ASIC2: variants seen among roughly 807,000 people sequenced by gnomAD.
ASIC2 encodes the protein acid sensing ion channel subunit 2, also known as acid-sensing ion channel 2.
In ASIC2, 25 loss-of-function variants were observed where a neutral mutation model predicts 57.3. The ratio of observed to expected loss-of-function variants is 0.44; its 90% confidence interval spans 0.32 to 0.61. The LOEUF is 0.61. Among genes scored for constraint, ASIC2 ranks in the 20% least tolerant of loss-of-function variants. The pLI, the probability that ASIC2 is intolerant of heterozygous loss-of-function variation, is 0.06. For missense variants in ASIC2, 641 were observed against 738.1 expected (o/e 0.87, Z 1.52); for synonymous variants, 319 against 307.5 (o/e 1.04, Z -0.39).
chr17:33,758,945 A>C (rs1910696721), intron 1 of ASIC2, among the ~76,000 whole-genome samples: 2 of 150,368 alleles, frequency 1.3e-5, no homozygotes, highest in South Asian at 4.2e-4. Flanking sequence ...TGGTATTGAG[A>C]AGTGGGGTGT....
intron 7 of ASIC2, among the ~76,000 whole-genome samples, chr17:33,017,885 G>A (rs141562433): frequency 1.3e-5 from 2 of 152,306 alleles, no homozygotes; most frequent in African/African-American, 4.8e-5. Context: ...CATTCAGTGG[G>A]GTCGGGGACT....
At chr17:34,034,833 C>T (rs1238501497) in intron 1 of ASIC2, among the ~76,000 whole-genome samples, 2 of 152,084 alleles carry the variant, frequency 1.3e-5, no homozygotes, top group African/African-American at 4.8e-5. Context: ...TCAAGGAGAA[C>T]TACAAACCAC....
At chr17:33,166,612 C>T (rs1297317490) in intron 1 of ASIC2, among the ~76,000 whole-genome samples, 1 of 152,150 alleles carries the variant, frequency 6.6e-6, no homozygotes, top group Non-Finnish European at 1.5e-5. Flanking sequence ...AGGCAAGACT[C>T]CCTCCCCTAG....
intron 1 of ASIC2, among the ~76,000 whole-genome samples, chr17:33,954,452 G>A (rs1015561462): frequency 1.3e-5 from 2 of 152,178 alleles, no homozygotes; most frequent in Admixed American, 1.3e-4. Context: ...AATCCCACCT[G>A]GGGCATCCCG....
chr17:33,409,415 C>A (rs925811489), intron 1 of ASIC2, among the ~76,000 whole-genome samples: 1 of 152,136 alleles, frequency 6.6e-6, no homozygotes, highest in African/African-American at 2.4e-5. Context: ...GACTAGGGAT[C>A]AGACTTAACA....
chr17:33,039,718 A>G (rs1351762647), intron 3 of ASIC2, among the ~76,000 whole-genome samples: 1 of 152,204 alleles, frequency 6.6e-6, no homozygotes, highest in Non-Finnish European at 1.5e-5. Flanking sequence ...TAGAACACAC[A>G]GAAGATGTCA....
chr17:34,155,826 C>G (rs1904698477), intron 1 of ASIC2: 2 of 829,896 alleles, frequency 2.4e-6, no homozygotes, highest in East Asian at 5.4e-5. Context: ...CCAGCTCGCA[C>G]AACTCTGACC....
Position 33,292,755 on chromosome 17 carries a change from C to G in ASIC2, c.-640G>C. On this transcript the variant is annotated 5_prime_UTR_variant, in exon 1 of 10. Coordinates refer to ENST00000225823, the MANE Select transcript of ASIC2 (RefSeq NM_183377.2). ...GGTGAGTGGTCGCCTTGCCGGCTGC[C>G]GCCTTCTTTCCCTTCCCCTCCAGGA... 3 of 985,814 alleles carry G rather than the reference C, an allele frequency of 3.0e-6. No individual in the cohort carries two copies. The highest frequency in any genetic ancestry group is 3.6e-6 in the Non-Finnish European group (3 of 830,334). 61.1% of individuals were successfully genotyped at this position (985,814 alleles called of 1,614,324 possible).
chr17:33,285,225 G>C (rs890483379), intron 1 of ASIC2, among the ~76,000 whole-genome samples: 1 of 152,218 alleles, frequency 6.6e-6, no homozygotes, highest in East Asian at 1.9e-4. Context: ...GAATCATCCT[G>C]ATGTTGGTCA....
chr17:33,569,256 G>C (rs1388665332), intron 1 of ASIC2: 2 of 152,322 alleles, frequency 1.3e-5, no homozygotes, highest in East Asian at 1.9e-4. Context: ...GGTGGGGCCT[G>C]CAAGGCATGT....
chr17:33,406,543 T>C (rs1306684100), intron 1 of ASIC2, among the ~76,000 whole-genome samples: 1 of 152,222 alleles, frequency 6.6e-6, no homozygotes, highest in Non-Finnish European at 1.5e-5. Context: ...TGTGTCCCTG[T>C]ACAAGTTTTT....
At chr17:33,413,413 A>G (rs1910731251) in intron 1 of ASIC2, among the ~76,000 whole-genome samples, 2 of 152,214 alleles carry the variant, frequency 1.3e-5, no homozygotes, top group African/African-American at 4.8e-5. Flanking sequence ...GTCCGATTGC[A>G]GCCTGAATAC....
At chr17:33,598,494 G>A (rs983334015) in intron 1 of ASIC2, among the ~76,000 whole-genome samples, 3 of 152,094 alleles carry the variant, frequency 2.0e-5, no homozygotes, top group Non-Finnish European at 4.4e-5. Context: ...GAAATTGAAG[G>A]GTGGTGTTTC....
intron 1 of ASIC2, among the ~76,000 whole-genome samples, chr17:33,565,127 C>T (rs1047860786): frequency 1.3e-5 from 2 of 152,182 alleles, no homozygotes; most frequent in African/African-American, 4.8e-5. Context: ...GTTAGGGTCT[C>T]CCCGACTGAG....
intron 1 of ASIC2, among the ~76,000 whole-genome samples, chr17:33,686,012 T>C (rs1165053521): frequency 1.3e-5 from 2 of 152,110 alleles, no homozygotes; most frequent in African/African-American, 4.8e-5. Context: ...TGCATGAGCG[T>C]GGGCCAAGGC....
Position 33,604,047 on chromosome 17 carries a change from C to T in ASIC2, c.556-491980G>A, listed in dbSNP as rs73984084. Among the ~76,000 whole-genome samples the T allele has an allele frequency of 1.2e-3, 183 of 152,270 alleles. 2 individuals are homozygous for T. The highest frequency in any genetic ancestry group is 4.2e-3 in the African/African-American group (176 of 41,550). On this transcript the variant is annotated intron_variant, in intron 1 of 9. Coordinates refer to the ASIC2 transcript ENST00000359872. ...CACATGGCCCTACCTAGCTGCAAGG[C>T]GGCCTAGAAAATGTAGTCTAGTTAT...
chr17:33,180,643 T>C (rs1905944503), intron 1 of ASIC2, among the ~76,000 whole-genome samples: 1 of 152,190 alleles, frequency 6.6e-6, no homozygotes, highest in African/African-American at 2.4e-5. Context: ...GACTTGGGGA[T>C]GCTGACTTAC....
At chr17:33,624,111 A>C (rs547008824) in intron 1 of ASIC2, 1 of 152,256 alleles carries the variant, frequency 6.6e-6, no homozygotes, top group East Asian at 1.9e-4. Flanking sequence ...CTTTTTGGAA[A>C]GTCACCATGA....
chr17:33,916,236 T>C (rs1442544883), intron 1 of ASIC2, among the ~76,000 whole-genome samples: 2 of 152,170 alleles, frequency 1.3e-5, no homozygotes, highest in African/African-American at 4.8e-5. Flanking sequence ...TGTGCAGGGA[T>C]GGGCACATGA....
Sources: allele counts gnomAD v4.1 joint callset (sites outside exome capture counted in the v4.1 genomes callset), GRCh38; gene constraint gnomAD v4.1.1; transcripts MANE v1.5; gene names NCBI Gene and HGNC (gene_info 2026-07-23, HGNC 2026-07-21).